Variants in NWD2 observed in about 807,000 individuals in gnomAD.
The protein encoded by NWD2 is NACHT and WD repeat domain-containing protein 2.
A neutral mutation model predicts 132.7 loss-of-function variants in NWD2; 37 were observed. The observed-to-expected ratio is 0.28, with a 90% CI of 0.21 to 0.37. The LOEUF is 0.37. NWD2 is among the 10% of genes least tolerant of loss of function. The pLI, the probability that NWD2 is intolerant of heterozygous loss-of-function variation, is 1.00. For synonymous variants in NWD2, 705 were observed against 803.0 expected (o/e 0.88, Z 2.06); for missense variants, 1,592 against 2,122.4 (o/e 0.75, Z 4.91).
At chr4:37,310,444 C>G (rs1280464690) in intron 1 of NWD2, among the ~76,000 whole-genome samples, 1 of 152,062 alleles carries the variant, frequency 6.6e-6, no homozygotes, top group African/African-American at 2.4e-5. Context: ...AGAAATAACA[C>G]AGTGAATTTT....
At position 37,247,806 on chromosome 4, in the gene NWD2, C is replaced by T. The variant is rs1025257352; in HGVS notation, c.151+2588C>T. On this transcript the variant is annotated intron_variant, in intron 1 of 6. Transcript: ENST00000309447. ...TGTACTTTTAGTAGCAACGGGGTTT[C>T]GTCATGTTAGCCAGGCTGGTCTCAA... Among the ~76,000 whole-genome samples the T allele has an allele frequency of 1.3e-4, 20 of 151,932 alleles. 1 individual carries two copies. The highest frequency in any genetic ancestry group is 1.0e-3 in the Admixed American group (16 of 15,256).
At chr4:37,260,403 A>AGT (rs1717605544) in intron 1 of NWD2, among the ~76,000 whole-genome samples, 1 of 152,094 alleles carries the variant, frequency 6.6e-6, no homozygotes, top group Admixed American at 6.6e-5. Context: ...ACTCCCCAAC[A>AGT]GTGTTATTTG....
At chr4:37,386,030 A>T (rs551212031) in intron 3 of NWD2, among the ~76,000 whole-genome samples, 2 of 152,194 alleles carry the variant, frequency 1.3e-5, no homozygotes, top group Non-Finnish European at 2.9e-5. Flanking sequence ...AGCACATCAC[A>T]CTACCAAGGT....
In NWD2 at chr4:37,446,752, G is replaced by A; in HGVS notation, c.4764G>A (p.Glu1588=). The A allele has an allele frequency of 6.4e-7, 1 of 1,551,752 alleles. No individual in the cohort carries two copies. Among genetic ancestry groups the A allele is most frequent in the African/African-American group, 1.4e-5 (1 of 73,122 alleles). The change falls in exon 7 of 7, where the codon GAG becomes GAA. Residue 1588 remains glutamate (E), a synonymous_variant. Coordinates refer to ENST00000309447, the MANE Select transcript of NWD2 (RefSeq NM_001144990.2). The surrounding 1 kb of genome is among the most constrained non-coding windows in gnomAD (Gnocchi z 6.7). ...TATACATTTGTTTCCGAAATGGGGA[G>A]GAGGAGGATGAAAATGGTGCAATAT... ...YLVYICFRNG[E]EEDENGAIFS... is the part of the protein sequence containing the mutation.
intron 4 of NWD2, among the ~76,000 whole-genome samples, chr4:37,432,028 C>T (rs531257109): frequency 6.6e-6 from 1 of 151,890 alleles, no homozygotes; most frequent in South Asian, 2.1e-4. Context: ...TATTGTTTTG[C>T]CCAGTTTTCT....
At chr4:37,434,214 G>T (rs574526666) in intron 5 of NWD2, among the ~76,000 whole-genome samples, 194 bp downstream of exon 5, 47 of 152,138 alleles carry the variant, frequency 3.1e-4, no homozygotes, top group African/African-American at 1.1e-3. Flanking sequence ...TAACTCTAAG[G>T]CTTCTCTAGA....
chr4:37,421,272 A>G (rs1273628479), intron 3 of NWD2, among the ~76,000 whole-genome samples: 1 of 152,248 alleles, frequency 6.6e-6, no homozygotes, highest in Non-Finnish European at 1.5e-5. Flanking sequence ...GGCAACTGCC[A>G]GGATTAGGGT....
chr4:37,369,642 TCTC>T (rs1487157045), intron 3 of NWD2, among the ~76,000 whole-genome samples: 1 of 152,174 alleles, frequency 6.6e-6, no homozygotes, highest in Non-Finnish European at 1.5e-5. Context: ...TGGTTTTCAC[TCTC>T]CTCCTTTAAA....
intron 1 of NWD2, among the ~76,000 whole-genome samples, chr4:37,298,391 T>G (rs1176356151): frequency 2.6e-5 from 4 of 152,222 alleles, no homozygotes; most frequent in Admixed American, 6.5e-5. Context: ...CTAATATTTG[T>G]TCTGGTATAC....
intron 1 of NWD2, among the ~76,000 whole-genome samples, chr4:37,295,957 C>A (rs1718480994): frequency 6.6e-6 from 1 of 152,180 alleles, no homozygotes; most frequent in African/African-American, 2.4e-5. Context: ...AAAATCAATA[C>A]TCATGGTGCC....
intron 1 of NWD2, among the ~76,000 whole-genome samples, chr4:37,276,211 G>T (rs183577608): frequency 1.3e-5 from 2 of 151,998 alleles, no homozygotes; most frequent in African/African-American, 2.4e-5. Flanking sequence ...CTGACAGAGG[G>T]CTAATATCCA....
intron 3 of NWD2, among the ~76,000 whole-genome samples, chr4:37,418,999 A>G (rs1343540443): frequency 6.6e-6 from 1 of 152,114 alleles, no homozygotes; most frequent in Non-Finnish European, 1.5e-5. Context: ...ACTTCAAACT[A>G]TACTACAAGG....
intron 2 of NWD2, among the ~76,000 whole-genome samples, chr4:37,342,102 A>T (rs1473834444): frequency 6.6e-6 from 1 of 152,156 alleles, no homozygotes; most frequent in East Asian, 1.9e-4. Context: ...TCATGTTGAA[A>T]TGTTATCCTC....
intron 1 of NWD2, among the ~76,000 whole-genome samples, chr4:37,316,314 C>T (rs2109283472): frequency 6.6e-6 from 1 of 152,094 alleles, no homozygotes; most frequent in Non-Finnish European, 1.5e-5. Context: ...GTTCTATTGC[C>T]TTCTGGCTTC....
chr4:37,375,566 C>CTTT (rs34055055), intron 3 of NWD2, among the ~76,000 whole-genome samples: 3 of 130,232 alleles, frequency 2.3e-5, no homozygotes, highest in Admixed American at 8.3e-5. Context: ...CTGGAATTCA[C>CTTT]TTTTTTTTTT....
At chr4:37,309,504 C>A (rs566286338) in intron 1 of NWD2, among the ~76,000 whole-genome samples, 78 of 152,234 alleles carry the variant, frequency 5.1e-4, no homozygotes, top group Middle Eastern at 3.4e-3. Context: ...GAGAAGCAGG[C>A]CCTTTGGGGC....
At chr4:37,267,328 A>G (rs1717774165) in intron 1 of NWD2, among the ~76,000 whole-genome samples, 1 of 151,932 alleles carries the variant, frequency 6.6e-6, no homozygotes, top group East Asian at 1.9e-4. Context: ...AAGGCCTGTG[A>G]CTCATAATAA....
intron 1 of NWD2, among the ~76,000 whole-genome samples, chr4:37,251,231 A>T (rs542678210): frequency 4.3e-4 from 66 of 152,326 alleles, no homozygotes; most frequent in African/African-American, 1.5e-3. Flanking sequence ...GTGAGCTGAG[A>T]TCACACCACT....
chr4:37,338,798 T>C (rs971294752), intron 2 of NWD2, among the ~76,000 whole-genome samples: 4 of 152,210 alleles, frequency 2.6e-5, no homozygotes, highest in African/African-American at 9.7e-5. Context: ...CCAATCTCCT[T>C]CTCTGGACAT....
Sources: gnomAD v4.1 joint callset for allele counts (sites outside exome capture counted in the v4.1 genomes callset) on GRCh38, gnomAD v4.1.1 for gene constraint, Gnocchi (gnomAD v3.1) non-coding constraint, MANE v1.5 for transcripts, NCBI Gene and HGNC (gene_info 2026-07-23, HGNC 2026-07-21) for gene names.